The following PCDH15 variants were observed in gnomAD, a reference collection of about 807,000 sequenced individuals.
PCDH15 encodes protocadherin related 15, also known as protocadherin-15.
A neutral mutation model predicts 178.5 loss-of-function variants in PCDH15; 129 were observed. The observed-to-expected ratio is 0.72, with a 90% CI of 0.63 to 0.84. PCDH15 has a LOEUF of 0.84. PCDH15 is among the 40% of genes least tolerant of loss of function. The probability of loss-of-function intolerance (pLI) is 0.00; values close to 1 mark genes in which losing one functional copy is unlikely to be tolerated. For missense variants in PCDH15, 2,230 were observed against 2,099.9 expected (o/e 1.06, Z -1.21); for synonymous variants, 800 against 732.0 (o/e 1.09, Z -1.50).
chr10:54,096,603 C>T (rs184713820), intron 15 of PCDH15, among the ~76,000 whole-genome samples: 155 of 152,228 alleles, frequency 1.0e-3, no homozygotes, highest in African/African-American at 3.4e-3. Context: ...TCCCATGCAC[C>T]TTTTGTGGTC....
intron 28 of PCDH15, among the ~76,000 whole-genome samples, chr10:53,843,284 C>T (rs1352705508): frequency 1.3e-5 from 2 of 151,934 alleles, no homozygotes; most frequent in East Asian, 1.9e-4. Context: ...AAACTAAATA[C>T]CTTTTAATTG....
intron 1 of PCDH15, among the ~76,000 whole-genome samples, chr10:55,288,565 C>T (rs1262943683): frequency 1.3e-5 from 2 of 151,938 alleles, no homozygotes; most frequent in African/African-American, 2.4e-5. Flanking sequence ...CCAGTCTATT[C>T]TCTGCCTGTA....
At chr10:55,511,369 A>T (rs1026676402) in intron 2 of PCDH15, among the ~76,000 whole-genome samples, 2 of 152,056 alleles carry the variant, frequency 1.3e-5, no homozygotes, top group African/African-American at 2.4e-5. Context: ...ACAGAAAAAA[A>T]TCAGGCACAG....
At chr10:54,515,715 C>A (rs907182017) in intron 3 of PCDH15, among the ~76,000 whole-genome samples, 1 of 152,220 alleles carries the variant, frequency 6.6e-6, no homozygotes, top group Non-Finnish European at 1.5e-5. Context: ...AGCAGCCTAA[C>A]TGGGAGGCAT....
intron 1 of PCDH15, among the ~76,000 whole-genome samples, chr10:55,280,196 A>T (rs1842692120): frequency 6.6e-6 from 1 of 151,612 alleles, no homozygotes; most frequent in Non-Finnish European, 1.5e-5. Flanking sequence ...ATTCAGTCAC[A>T]TATGTCAGTA....
chr10:55,106,323 C>A (rs1303192128), intron 2 of PCDH15, among the ~76,000 whole-genome samples: 1 of 151,966 alleles, frequency 6.6e-6, no homozygotes, highest in Admixed American at 6.6e-5. Context: ...TGTTGTTAGA[C>A]AAAATCAAAC....
intron 2 of PCDH15, among the ~76,000 whole-genome samples, chr10:55,424,861 G>C (rs1157840643): frequency 6.6e-6 from 1 of 150,938 alleles, no homozygotes; most frequent in Non-Finnish European, 1.5e-5. Context: ...CCATTAATTG[G>C]CATCGTATTG....
At chr10:55,592,254 C>T (rs1478196998) in intron 2 of PCDH15, among the ~76,000 whole-genome samples, 1 of 152,042 alleles carries the variant, frequency 6.6e-6, no homozygotes, top group Non-Finnish European at 1.5e-5. Context: ...TTCCAGGGCT[C>T]CCTTACTGCC....
intron 1 of PCDH15, among the ~76,000 whole-genome samples, chr10:54,745,073 A>G (rs917746677): frequency 2.6e-5 from 4 of 152,156 alleles, no homozygotes; most frequent in Admixed American, 6.6e-5. Context: ...TTAGATTTTT[A>G]CATTTTGTTA....
At chr10:55,538,436 TCCTC>T (rs1841643322) in intron 2 of PCDH15, among the ~76,000 whole-genome samples, 1 of 133,194 alleles carries the variant, frequency 7.5e-6, no homozygotes, top group Non-Finnish European at 1.6e-5. Context: ...CTTCCTTCCT[TCCTC>T]CCTTCCTTCC....
intron 16 of PCDH15, among the ~76,000 whole-genome samples, chr10:54,080,692 T>C (rs563763354): frequency 6.6e-6 from 1 of 152,168 alleles, no homozygotes; most frequent in Non-Finnish European, 1.5e-5. Flanking sequence ...GACGTGGACT[T>C]TTTAAAAAGT....
chr10:54,386,954 A>G (rs745653497), intron 3 of PCDH15, among the ~76,000 whole-genome samples: 3 of 152,210 alleles, frequency 2.0e-5, no homozygotes, highest in Non-Finnish European at 4.4e-5. Context: ...ATAGTTAATA[A>G]CAATATATTG....
chr10:54,653,100 AT>A (rs2094298685), intron 2 of PCDH15, among the ~76,000 whole-genome samples: 1 of 152,126 alleles, frequency 6.6e-6, no homozygotes, highest in Non-Finnish European at 1.5e-5. Flanking sequence ...AGGTAGTACC[AT>A]TTTCCTCATT....
chr10:54,496,002 A>G (rs1428002589), intron 3 of PCDH15, among the ~76,000 whole-genome samples: 2 of 152,138 alleles, frequency 1.3e-5, no homozygotes, highest in African/African-American at 4.8e-5. Flanking sequence ...TTCAAGTAAA[A>G]CATGAAAACT....
intron 2 of PCDH15, among the ~76,000 whole-genome samples, chr10:55,501,473 T>C (rs1281699343): frequency 6.6e-6 from 1 of 151,804 alleles, no homozygotes; most frequent in African/African-American, 2.4e-5. Context: ...TCCTCTATTA[T>C]GATGTATTTA....
intron 9 of PCDH15, among the ~76,000 whole-genome samples, chr10:54,220,248 T>C (rs1342894983): frequency 6.6e-6 from 1 of 152,204 alleles, no homozygotes; most frequent in African/African-American, 2.4e-5. Flanking sequence ...TGTTATAATC[T>C]CTTTATTTGT....
chr10:54,617,002 CATGA>C (rs145934329), intron 2 of PCDH15, among the ~76,000 whole-genome samples: 4,905 of 151,992 alleles, frequency 0.032, 232 homozygotes, highest in African/African-American at 0.11. Context: ...TGTTGTTTAT[CATGA>C]ATTTCATTGT....
At chr10:55,179,396 GA>G (rs1412653160) in intron 1 of PCDH15, among the ~76,000 whole-genome samples, 1 of 152,102 alleles carries the variant, frequency 6.6e-6, no homozygotes, top group Admixed American at 6.6e-5. Flanking sequence ...TTTGAAGCCT[GA>G]AAACTGAGAT....
At position 55,407,146 on chromosome 10, in the gene PCDH15, A is replaced by G. The variant is rs1186709410; in HGVS notation, c.-156+220479T>C. ...GTGTTGAGGAACTGAAGATACATGG[A>G]TGGTTTTGTAGAAAATGTGAACAGA... is the stretch of plus-strand genomic sequence containing the variant. On this transcript the variant is annotated intron_variant, in intron 2 of 5. Coordinates refer to the PCDH15 transcript ENST00000613346. Among the ~76,000 whole-genome samples the G allele has an allele frequency of 2.6e-5, 4 of 151,236 alleles. No homozygotes were observed. The East Asian group carries it at 7.8e-4, about 30-fold the overall frequency.
Sources: allele counts gnomAD v4.1 joint callset (sites outside exome capture counted in the v4.1 genomes callset), GRCh38; gene constraint gnomAD v4.1.1; transcripts MANE v1.5; gene names NCBI Gene and HGNC (gene_info 2026-07-23, HGNC 2026-07-21).